PCARE: variants seen among roughly 807,000 people sequenced by gnomAD.
The protein encoded by PCARE is photoreceptor cilium actin regulator.
A neutral mutation model predicts 82.2 loss-of-function variants in PCARE; 72 were observed. The observed-to-expected ratio is 0.88, with a 90% CI of 0.72 to 1.07. The LOEUF is 1.07. Ranked by LOEUF, PCARE falls within the 50% of genes least tolerant of loss-of-function variation. The pLI is 0.00. For synonymous variants in PCARE, 705 were observed against 634.8 expected (o/e 1.11, Z -1.66); for missense variants, 1,768 against 1,592.4 (o/e 1.11, Z -1.88).
At chr2:29,068,397 G>T (rs902498503) in intron 1 of PCARE, among the ~76,000 whole-genome samples, 3 of 152,298 alleles carry the variant, frequency 2.0e-5, no homozygotes, top group Admixed American at 2.0e-4. Flanking sequence ...TCTGCAAAAC[G>T]TATCACTCTG....
rs536806834 is a variant in PCARE at position 29,071,377 on chromosome 2, T to C, written c.2885A>G (p.His962Arg). The stretch of plus-strand genomic sequence containing the variant: ...GTTTTGTCCAGATGGAGGGCCGGAG[T>C]GGTGCCAGGCGATGGCCTTCCGGGG... ...RQPRKAIAWH[H>R]SGPPSGQNRT... Residue 962 changes from histidine to arginine, a missense_variant, in exon 1 of 2, where the codon CAC becomes CGC. Coordinates refer to ENST00000331664, the MANE Select transcript of PCARE (RefSeq NM_001029883.3). The C allele has an allele frequency of 2.5e-6, 4 of 1,613,568 alleles. No individual in the cohort carries two copies. The highest frequency in any genetic ancestry group is 3.4e-6 in the Non-Finnish European group (4 of 1,179,864).
In PCARE at chr2:29,061,756, T is replaced by C. The variant is rs1053735552; in HGVS notation, c.*3113A>G. Reference sequence around the variant, plus strand: ...AAAGCAGAACAAAGAAAAACTGTCCTCCCTTCCCCCTTGGGCAAAGGAAGT... The same window carrying C: ...AAAGCAGAACAAAGAAAAACTGTCCCCCCTTCCCCCTTGGGCAAAGGAAGT... On this transcript the variant is annotated 3_prime_UTR_variant, in exon 2 of 2. Transcript: ENST00000331664. 2 of 152,204 alleles carry C rather than the reference T, an allele frequency of 1.3e-5. No individual in the cohort carries two copies. The highest frequency in any genetic ancestry group is 2.9e-5 in the Non-Finnish European group (2 of 68,034). The allele number at this position is 152,204 out of a possible 1,614,324, so 9.4% of individuals were successfully genotyped here.
At chr2:29,067,881 G>T (rs142150811) in intron 1 of PCARE, among the ~76,000 whole-genome samples, 1 of 152,060 alleles carries the variant, frequency 6.6e-6, no homozygotes. Context: ...CCTCCCTGCC[G>T]CCCCTGCCCC....
Position 29,072,856 on chromosome 2 carries a change from AG to A in PCARE, c.1405del (p.Leu469PhefsTer29). 2 of 1,614,154 alleles carry A rather than the reference AG, an allele frequency of 1.2e-6. No homozygotes were observed. The highest frequency in any genetic ancestry group is 1.7e-6 in the Non-Finnish European group (2 of 1,180,026). ...FGIGVSVEPHLSKTSRPMDAS... is the reference protein window; with the variant it reads ...FGIGVSVEPHXSKTSRPMDAS... ...GTCCATCGGCCTGGAGGTTTTGGAAAGGTGTGGTTCCACAGAGACCCCAATC... is the reference window on the plus strand; with the variant it reads ...GTCCATCGGCCTGGAGGTTTTGGAAAGTGTGGTTCCACAGAGACCCCAATC... On this transcript the variant is annotated frameshift_variant, in exon 1 of 2. Transcript: ENST00000331664. LOFTEE classifies it high-confidence loss of function.
At position 29,072,464 on chromosome 2, in the gene PCARE, G is replaced by A; in HGVS notation, c.1798C>T (p.Leu600Phe). ...GTGGGGTCCTCCACGTGACTCTGGA[G>A]ACACGACTCTGACTGGGACCTCGTC... The part of the protein sequence containing the change: ...RQTRSQSESC[L>F]QSHVEDPTFQ... Residue 600 changes from leucine to phenylalanine, a missense_variant, in exon 1 of 2, where the codon CTC becomes TTC. Transcript: ENST00000331664. 1.9e-6 allele frequency: 3 copies of A among 1,614,210 alleles called. No individual in the cohort carries two copies. The highest frequency in any genetic ancestry group is 2.5e-6 in the Non-Finnish European group (3 of 1,180,044).
chr2:29,067,746 T>C (rs1175236558), intron 1 of PCARE, among the ~76,000 whole-genome samples: 2 of 152,204 alleles, frequency 1.3e-5, no homozygotes, highest in African/African-American at 4.8e-5. Context: ...GGTTTTACCA[T>C]GGTGGCCAGG....
chr2:29,073,893 T>C lies in PCARE; in HGVS notation c.369A>G (p.Gly123=). The change falls in exon 1 of 2, where the codon GGA becomes GGG. Residue 123 remains glycine, a synonymous_variant. Coordinates refer to ENST00000331664, the MANE Select transcript of PCARE (RefSeq NM_001029883.3). Reference sequence around the variant, plus strand: ...CTCCAGAAAAGTCTGCCCCTTGTGATCCATGGGAACCCTGTGTCTTGAACG... The same window carrying C: ...CTCCAGAAAAGTCTGCCCCTTGTGACCCATGGGAACCCTGTGTCTTGAACG... ...DIPFKTQGSH[G]SQGADFSGDE... The C allele has an allele frequency of 6.2e-7, 1 of 1,614,258 alleles. No homozygotes were observed. The highest frequency in any genetic ancestry group is 8.5e-7 in the Non-Finnish European group (1 of 1,180,048).
intron 1 of PCARE, among the ~76,000 whole-genome samples, chr2:29,068,408 G>A (rs183855557): frequency 2.0e-5 from 3 of 152,260 alleles, no homozygotes; most frequent in African/African-American, 7.2e-5. Context: ...TATCACTCTG[G>A]CAGAAATTAA....
In PCARE at chr2:29,073,332, C is replaced by G. The variant is rs778151009; in HGVS notation, c.930G>C (p.Lys310Asn). Residue 310 changes from lysine to asparagine, a missense_variant, in exon 1 of 2, where the codon AAG (lysine) becomes AAC (asparagine). By Grantham distance (94) the Lys-to-Asn change is moderately conservative (BLOSUM62 0). Transcript: ENST00000331664. Reference sequence around the variant, plus strand: ...CATCCACATTCCTTTTTGTGCTCAGCTTATTTTCCAAGTGGGTTGCAGTGG... The same window carrying G: ...CATCCACATTCCTTTTTGTGCTCAGGTTATTTTCCAAGTGGGTTGCAGTGG... ...LHSTATHLEN[K>N]LSTKRNVDER... The G allele has an allele frequency of 3.1e-6, 5 of 1,614,144 alleles. No homozygotes were observed. The highest frequency in any genetic ancestry group is 1.7e-5 in the Admixed American group (1 of 60,026).
rs918403341 is a variant in PCARE at position 29,063,526 on chromosome 2, G to A, written c.*1343C>T. 1.3e-5 allele frequency: 2 copies of A among 152,622 alleles called. No individual in the cohort carries two copies. The highest frequency in any genetic ancestry group is 6.5e-5 in the Admixed American group (1 of 15,280). 9.5% of individuals were successfully genotyped at this position (152,622 alleles called of 1,614,324 possible). ...GGGACCCAGTTTAACAAGTTTTTGA[G>A]CCCACAGTCCCAGCAAGAATGGGTT... On this transcript the variant is annotated 3_prime_UTR_variant, in exon 2 of 2. Transcript: ENST00000331664.
chr2:29,073,624 T>C lies in PCARE; in HGVS notation c.638A>G (p.Glu213Gly). ...CIIHQATQTR[E>G]LLQPMVSFLL... is the part of the protein sequence containing the mutation. ...GAAGCTGACCATGGGCTGCAGCAGC[T>C]CCCGGGTCTGGGTGGCCTGATGGAT... Residue 213 changes from glutamate (E) to glycine (G), a missense_variant, in exon 1 of 2, where the codon GAG becomes GGG. Glu to Gly is a moderately conservative substitution (Grantham distance 98). Transcript: ENST00000331664. 6.2e-7 allele frequency: 1 copy of C among 1,614,142 alleles called. No individual in the cohort carries two copies. The highest frequency in any genetic ancestry group is 8.5e-7 in the Non-Finnish European group (1 of 1,180,026).
chr2:29,069,841 G>A (rs77483540), intron 1 of PCARE, among the ~76,000 whole-genome samples: 1,547 of 152,128 alleles, frequency 0.01, 26 homozygotes, highest in African/African-American at 0.034. Flanking sequence ...GCCTCCACAC[G>A]CAAAGGCTCT....
chr2:29,072,804 G>A lies in PCARE; in HGVS notation c.1458C>T (p.Asp486=), dbSNP rs1667515554. ...MDASSLSDSE[D]SSPEEEEEDK... ...CTTCCTCCTCCTCCTCTGGGCTGCT[G>A]TCCTCGCTGTCACTAAGAGATGAAG... Residue 486 remains aspartate, a synonymous_variant, in exon 1 of 2, where the codon GAC becomes GAT. Transcript: ENST00000331664. The A allele has an allele frequency of 2.5e-6, 4 of 1,614,014 alleles. No individual in the cohort carries two copies. The highest frequency in any genetic ancestry group is 1.7e-5 in the Admixed American group (1 of 59,994).
rs199853956 is a variant in PCARE, at chr2:29,065,028, C to T, written c.3708G>A (p.Gly1236=). 43 of 1,554,880 alleles carry T rather than the reference C, an allele frequency of 2.8e-5. No individual in the cohort carries two copies. The African/African-American group carries it at 4.8e-4, about 17-fold the overall frequency. Residue 1236 remains glycine, a synonymous_variant, in exon 2 of 2, where the codon GGG becomes GGA. Coordinates refer to ENST00000331664, the MANE Select transcript of PCARE (RefSeq NM_001029883.3). ...EESPKKDTEP[G]SSPCSPELQG... is the part of the protein sequence containing the mutation. Reference sequence around the variant, plus strand: ...GCAGTTCAGGGGAACAGGGGCTGCTCCCCGGCTCTGTGTCCTTCTTAGGGC... The same window carrying T: ...GCAGTTCAGGGGAACAGGGGCTGCTTCCCGGCTCTGTGTCCTTCTTAGGGC...
In PCARE at chr2:29,061,861, C is replaced by A. The variant is rs766320812; in HGVS notation, c.*3008G>T. 1 of 152,200 alleles carries A rather than the reference C, an allele frequency of 6.6e-6. No individual in the cohort carries two copies. Among genetic ancestry groups the A allele is most frequent in the Non-Finnish European group, 1.5e-5 (1 of 68,052 alleles). 9.4% of individuals were successfully genotyped at this position (152,200 alleles called of 1,614,324 possible). On this transcript the variant is annotated 3_prime_UTR_variant, in exon 2 of 2. Transcript: ENST00000331664. Reference sequence around the variant, plus strand: ...AGCAGCCCTTGTCTGAGAAGCTGTACAGCTGGGTTTGCCCCTCCTGCCACC... The same window carrying A: ...AGCAGCCCTTGTCTGAGAAGCTGTAAAGCTGGGTTTGCCCCTCCTGCCACC...
At position 29,074,159 on chromosome 2, in the gene PCARE, C is replaced by A. The variant is rs187178339; in HGVS notation, c.103G>T (p.Gly35Ter). The A allele has an allele frequency of 6.2e-7, 1 of 1,611,256 alleles. No individual in the cohort carries two copies. The highest frequency in any genetic ancestry group is 1.1e-5 in the South Asian group (1 of 90,896). The change falls in exon 1 of 2, where the codon GGA becomes TGA. Residue 35 changes from glycine to a stop codon, truncating the protein, a stop_gained. Transcript: ENST00000331664. LOFTEE classifies it high-confidence loss of function. ...PKAIRPGCQG[G>*]SERGSIPLLV... is the part of the protein sequence containing the mutation. Reference sequence around the variant, plus strand: ...AAAGGGATGGAACCTCTTTCACTTCCGCCCTGACATCCTGGCCGAATTGCT... The same window carrying A: ...AAAGGGATGGAACCTCTTTCACTTCAGCCCTGACATCCTGGCCGAATTGCT...
rs1157509882 is a variant in PCARE at position 29,071,185 on chromosome 2, A to G, written c.3077T>C (p.Val1026Ala). 6.3e-7 allele frequency: 1 copy of G among 1,593,122 alleles called. No homozygotes were observed. The highest frequency in any genetic ancestry group is 1.7e-5 in the Admixed American group (1 of 58,488). Reference sequence around the variant, plus strand: ...CACAGGTGGGCTGGGGGGCGTCTGCACAGCAGAGGGGCTTGGCTGGGCAGG... The same window carrying G: ...CACAGGTGGGCTGGGGGGCGTCTGCGCAGCAGAGGGGCTTGGCTGGGCAGG... ...YRPAQPSPSA[V>A]QTPPSPPVSP... The change falls in exon 1 of 2, where the codon GTG becomes GCG. Residue 1026 changes from valine (V) to alanine (A), a missense_variant. Physicochemically the swap from Val to Ala is moderately conservative, Grantham distance 64. Coordinates refer to ENST00000331664, the MANE Select transcript of PCARE (RefSeq NM_001029883.3).
rs1301412844 is a variant in PCARE, at chr2:29,071,430, T to C, written c.2832A>G (p.Ala944=). 1.2e-6 allele frequency: 2 copies of C among 1,613,256 alleles called. No individual in the cohort carries two copies. The highest frequency in any genetic ancestry group is 2.2e-5 in the East Asian group (1 of 44,890). The part of the protein sequence containing the change: ...PEVKGGTWSQ[A]EKATSLYRQP... ...GCCTGTAGAGGCTGGTGGCCTTCTC[T>C]GCCTGACTCCAAGTCCCACCCTTCA... Residue 944 remains alanine (A), a synonymous_variant, in exon 1 of 2, where the codon GCA becomes GCG. Transcript: ENST00000331664.
At position 29,065,086 on chromosome 2, in the gene PCARE, A is replaced by C; in HGVS notation, c.3669-19T>G. 6.5e-7 allele frequency: 1 copy of C among 1,548,160 alleles called. No individual in the cohort carries two copies. The highest frequency in any genetic ancestry group is 1.2e-5 in the South Asian group (1 of 84,056). ...GCTGCTGCTGCCGAGAGAAAGGACA[A>C]GTGCAGGTCAGACACTCCTCCTCTG... is the stretch of plus-strand genomic sequence containing the variant. On this transcript the variant is annotated intron_variant, in intron 1 of 1. Coordinates refer to ENST00000331664, the MANE Select transcript of PCARE (RefSeq NM_001029883.3).
Sources: allele counts gnomAD v4.1 joint callset (sites outside exome capture counted in the v4.1 genomes callset), GRCh38; gene constraint gnomAD v4.1.1; transcripts MANE v1.5; gene names NCBI Gene and HGNC (gene_info 2026-07-23, HGNC 2026-07-21).